The following ACADVL variants were observed in gnomAD, a reference collection of about 807,000 sequenced individuals.
The protein encoded by ACADVL is very long-chain acyl-CoA dehydrogenase, mitochondrial.
ACADVL carries 73 observed loss-of-function variants against 80.4 expected under a neutral mutation model. The observed-to-expected ratio is 0.91, with a 90% CI of 0.75 to 1.10. ACADVL has a LOEUF of 1.10. ACADVL is among the 50% of genes least tolerant of loss of function. ACADVL has a pLI of 0.00. For synonymous variants in ACADVL, 392 were observed against 326.5 expected, an observed-to-expected ratio of 1.20 and a Z score of -2.16; for missense variants, 878 against 858.9, an observed-to-expected ratio of 1.02 and a Z score of -0.28.
At chr17:7,218,257 G>GAAGCCTCAT, upstream of ACADVL, 1 of 1,609,990 alleles carries the variant, frequency 6.2e-7, no homozygotes, top group South Asian at 1.1e-5. Context: ...CTCTGAGAGG[G>GAAGCCTCAT]AAGCCTCATA....
Position 7,220,748 on chromosome 17 carries a change from G to A in ACADVL, c.278-18G>A. The A allele has an allele frequency of 6.2e-7, 1 of 1,614,192 alleles. No homozygotes were observed. Among genetic ancestry groups the A allele is most frequent in the Non-Finnish European group, 8.5e-7 (1 of 1,180,038 alleles). ...CCTGCCAGCCTGGCCTGACCAGCCT[G>A]TCCCCCACCCTCTGCAGTGCTCAAC... On this transcript the variant is annotated intron_variant, in intron 4 of 19. Transcript: ENST00000356839.
chr17:7,220,862 G>T (rs573063746), intron 5 of ACADVL, 32 bp downstream of exon 5: 2 of 1,614,062 alleles, frequency 1.2e-6, no homozygotes, highest in Non-Finnish European at 8.5e-7. Context: ...GGTCCCTGGT[G>T]AGGTGTTTGG....
chr17:7,221,340 C>A, intron 6 of ACADVL, 198 bp from the exon 7 acceptor site: 1 of 1,026,652 alleles, frequency 9.7e-7, no homozygotes, highest in Non-Finnish European at 1.5e-6. Context: ...CTACCTAGAC[C>A]TAAGACAGAC....
At chr17:7,219,890 A>T, upstream of ACADVL, 2 of 1,523,180 alleles carry the variant, frequency 1.3e-6, no homozygotes, top group East Asian at 4.9e-5. Flanking sequence ...TGCACTGTGG[A>T]CGATGAGTCA....
Position 7,224,999 on chromosome 17 carries a change from GA to G in ACADVL, c.1871del (p.Asp624AlafsTer56). 1 of 1,614,112 alleles carries G rather than the reference GA, an allele frequency of 6.2e-7. No individual in the cohort carries two copies. Among genetic ancestry groups the G allele is most frequent in the South Asian group, 1.1e-5 (1 of 91,086 alleles). ...IREGMAALQS[D>X]PWQQELYRNF... ...AGAGGGCATGGCCGCCCTGCAGTCTGACCCCTGGCAGCAAGAGCTCTACCGC... is the reference window on the plus strand; with the variant it reads ...AGAGGGCATGGCCGCCCTGCAGTCTGCCCCTGGCAGCAAGAGCTCTACCGC... On this transcript the variant is annotated frameshift_variant, in exon 20 of 20. Coordinates refer to ENST00000356839, the MANE Select transcript of ACADVL (RefSeq NM_000018.4). LOFTEE classifies it high-confidence loss of function.
In ACADVL at chr17:7,223,232, A is replaced by G. The variant is rs199840831; in HGVS notation, c.1177A>G (p.Thr393Ala). 2.4e-5 allele frequency: 39 copies of G among 1,613,118 alleles called. No individual in the cohort carries two copies. Among genetic ancestry groups the G allele is most frequent in the Non-Finnish European group, 3.1e-5 (36 of 1,179,164 alleles). ...LARMVMLQYV[T>A]ESMAYMVSAN... ...ACGGATGGTTATGCTGCAGTATGTAACTGAGGTGAGGGCCTCCCAAGCCCC... is the reference window on the plus strand; with the variant it reads ...ACGGATGGTTATGCTGCAGTATGTAGCTGAGGTGAGGGCCTCCCAAGCCCC... The change falls in exon 11 of 20, where the codon ACT becomes GCT. Residue 393 changes from threonine (T) to alanine (A), a missense_variant. By Grantham distance (58) the Thr-to-Ala change is moderately conservative. Coordinates refer to ENST00000356839, the MANE Select transcript of ACADVL (RefSeq NM_000018.4).
rs118204017 is a variant in ACADVL at position 7,224,007 on chromosome 17, T to C, written c.1372T>C (p.Phe458Leu). 8 of 1,614,064 alleles carry C rather than the reference T, an allele frequency of 5.0e-6. No individual in the cohort carries two copies. The highest frequency in any genetic ancestry group is 6.8e-6 in the Non-Finnish European group (8 of 1,180,030). Residue 458 changes from phenylalanine (F) to leucine (L), a missense_variant, in exon 14 of 20, where the codon TTC (phenylalanine) becomes CTC (leucine). Physicochemically the swap from Phe to Leu is conservative, Grantham distance 22. Transcript: ENST00000356839. ...VERVLRDLRI[F>L]RIFEGTNDIL... ...GCGTGTGCTCCGAGATCTTCGCATC[T>C]TCCGGATCTTTGAGGGGACAAATGA...
rs1350129860 is a variant in ACADVL at position 7,223,684 on chromosome 17, C to T, written c.1223C>T (p.Ala408Val). ...GTGAGTGCTAACATGGACCAGGGAG[C>T]CACGGACTTCCAGATAGAGGCCGCC... ...YMVSANMDQG[A>V]TDFQIEAAIS... The change falls in exon 12 of 20, where the codon GCC becomes GTC. Residue 408 changes from alanine (A) to valine (V), a missense_variant. By Grantham distance (64) the Ala-to-Val change is moderately conservative. Transcript: ENST00000356839. 6.2e-7 allele frequency: 1 copy of T among 1,614,012 alleles called. No homozygotes were observed. The highest frequency in any genetic ancestry group is 8.5e-7 in the Non-Finnish European group (1 of 1,180,036).
upstream of ACADVL, chr17:7,217,607 G>T: frequency 7.1e-7 from 1 of 1,406,982 alleles, no homozygotes; most frequent in Non-Finnish European, 9.3e-7. Flanking sequence ...TGGAGCCGAA[G>T]AGGGAAGGGG....
upstream of ACADVL, chr17:7,217,645 A>C: frequency 1.4e-6 from 1 of 733,020 alleles, no homozygotes; most frequent in Non-Finnish European, 1.9e-6. Flanking sequence ...AAGCAGGGGG[A>C]GGGAGGGAGG....
intron 7 of ACADVL, 96 bp from the exon 8 acceptor site, chr17:7,221,856 T>G (rs941728619): frequency 3.1e-6 from 5 of 1,603,046 alleles, no homozygotes; most frequent in Non-Finnish European, 4.3e-6. Flanking sequence ...CTCCCAGGTG[T>G]TAAGGGGGAA....
In ACADVL at chr17:7,222,787, C is replaced by T; in HGVS notation, c.999C>T (p.Ala333=). 1 of 1,614,042 alleles carries T rather than the reference C, an allele frequency of 6.2e-7. No individual in the cohort carries two copies. The highest frequency in any genetic ancestry group is 8.5e-7 in the Non-Finnish European group (1 of 1,180,028). Residue 333 remains alanine, a synonymous_variant, in exon 10 of 20, where the codon GCC becomes GCT. Coordinates refer to ENST00000356839, the MANE Select transcript of ACADVL (RefSeq NM_000018.4). ...AGGTTGGGAGTGGCTTCAAGGTTGCCATGCACATCCTCAACAATGGAAGGT... is the reference window on the plus strand; with the variant it reads ...AGGTTGGGAGTGGCTTCAAGGTTGCTATGCACATCCTCAACAATGGAAGGT... ...LGEVGSGFKV[A]MHILNNGRFG...
intron 17 of ACADVL, 34 bp from the exon 18 acceptor site, chr17:7,224,608 C>CCG: frequency 6.9e-7 from 1 of 1,459,406 alleles, no homozygotes; most frequent in Non-Finnish European, 9.3e-7. Flanking sequence ...AGACTAATGC[C>CCG]CCCACCCCCA....
At chr17:7,217,904 C>G (rs1314092798), upstream of ACADVL, 1 of 1,324,180 alleles carries the variant, frequency 7.6e-7, no homozygotes, top group Non-Finnish European at 1.0e-6. Flanking sequence ...GGAGGCCTCT[C>G]GGCAGGCGGT....
At chr17:7,218,773 G>T, upstream of ACADVL, 1 of 1,604,948 alleles carries the variant, frequency 6.2e-7, no homozygotes, top group Non-Finnish European at 8.5e-7. Context: ...GGATCTCCGA[G>T]CCCCAGCCCC....
In ACADVL at chr17:7,224,881, C is replaced by T. The variant is rs146115467; in HGVS notation, c.1824C>T (p.Ile608=). 9.2e-4 allele frequency: 1,480 copies of T among 1,614,070 alleles called. 3 individuals are homozygous for T. Among genetic ancestry groups the T allele is most frequent in the Middle Eastern group, 7.8e-3 (47 of 6,062 alleles). ...HEKMLCDTWC[I]EAAARIREGM... Reference sequence around the variant, plus strand: ...AAATGCTCTGTGACACCTGGTGTATCGAGGTGAGACTCGGGGCTGCCAAGC... The same window carrying T: ...AAATGCTCTGTGACACCTGGTGTATTGAGGTGAGACTCGGGGCTGCCAAGC... Residue 608 remains isoleucine, a synonymous_variant, in exon 19 of 20, where the codon ATC becomes ATT. Transcript: ENST00000356839.
chr17:7,219,907 G>C (rs1330518496), upstream of ACADVL: 8 of 1,559,446 alleles, frequency 5.1e-6, no homozygotes, highest in African/African-American at 1.3e-5. Flanking sequence ...GTCAGGGTTA[G>C]GGGCGCCAGG....
At chr17:7,219,754 G>T, upstream of ACADVL, 1 of 1,467,942 alleles carries the variant, frequency 6.8e-7, no homozygotes, top group Non-Finnish European at 9.0e-7. Flanking sequence ...GGACGGGCGG[G>T]ATTAAGGAGT....
At position 7,221,954 on chromosome 17, in the gene ACADVL, G is replaced by T. The variant is rs772055899; in HGVS notation, c.625G>T (p.Glu209Ter). ...EKYLPKLASG[E>*]TVAAFCLTEP... ...TAAAGTAGCTCTCTCCCCAACAGGG[G>T]AGACTGTGGCCGCTTTCTGTCTAAC... The change falls in exon 8 of 20, where the codon GAG becomes TAG. Residue 209 changes from glutamate to a stop codon, truncating the protein, a stop_gained and splice_region_variant. Transcript: ENST00000356839. LOFTEE classifies it high-confidence loss of function. 1 of 1,614,102 alleles carries T rather than the reference G, an allele frequency of 6.2e-7. No individual in the cohort carries two copies. The highest frequency in any genetic ancestry group is 8.5e-7 in the Non-Finnish European group (1 of 1,180,032).
Sources: gnomAD v4.1 joint callset for allele counts on GRCh38, gnomAD v4.1.1 for gene constraint, MANE v1.5 for transcripts, NCBI Gene and HGNC (gene_info 2026-07-23, HGNC 2026-07-21) for gene names.